SHB: variants seen among roughly 807,000 people sequenced by gnomAD.
The protein encoded by SHB is SH2 domain containing adaptor protein B, also known as SH2 domain-containing adapter protein B.
Under a neutral mutation model 52.3 loss-of-function variants are expected in SHB, and 20 were observed. That is an observed-to-expected ratio of 0.38 (90% CI 0.27 to 0.56). The LOEUF (loss-of-function observed/expected upper bound fraction) is 0.56, where lower values mean the gene tolerates loss of function less well. Ranked by LOEUF, SHB falls within the 20% of genes least tolerant of loss-of-function variation. The pLI is 0.71. For synonymous variants in SHB, 397 were observed against 316.5 expected, an observed-to-expected ratio of 1.25 and a Z score of -2.70; for missense variants, 825 against 723.3, an observed-to-expected ratio of 1.14 and a Z score of -1.61.
At chr9:37,974,553 G>T in intron 3 of SHB, 69 bp downstream of exon 3, 1 of 1,364,426 alleles carries the variant, frequency 7.3e-7, no homozygotes. Context: ...CCTGAGCGCA[G>T]GTGGGGACCA....
rs779662132 is a variant in SHB at position 37,919,002 on chromosome 9, C to A, written c.*819G>T. On this transcript the variant is annotated 3_prime_UTR_variant, in exon 6 of 6. Transcript: ENST00000377707. ...AGCTGCTGAGGGCTGGAGCTGAGGC[C>A]TCGGCCTCCCTCCCCTCCCTGGGGC... 1 of 152,568 alleles carries A rather than the reference C, an allele frequency of 6.6e-6. No homozygotes were observed. Among genetic ancestry groups the A allele is most frequent in the South Asian group, 2.1e-4 (1 of 4,828 alleles). 9.5% of individuals were successfully genotyped at this position (152,568 alleles called of 1,614,324 possible). A position where few individuals can be genotyped will look rare whatever the true frequency, so the allele number is the denominator to read the frequency against.
chr9:37,985,673 A>G (rs567578303), intron 2 of SHB, among the ~76,000 whole-genome samples: 5 of 152,364 alleles, frequency 3.3e-5, no homozygotes, highest in African/African-American at 1.2e-4. Flanking sequence ...CTTCATAGGC[A>G]AGTGGGGTGC....
chr9:37,946,837 C>T (rs1185054495), intron 5 of SHB, among the ~76,000 whole-genome samples: 1 of 152,176 alleles, frequency 6.6e-6, no homozygotes, highest in Non-Finnish European at 1.5e-5. Flanking sequence ...AGTGATAACC[C>T]CCAATGACCA....
intron 2 of SHB, among the ~76,000 whole-genome samples, chr9:37,988,072 A>C (rs374531165): frequency 2.0e-5 from 3 of 152,320 alleles, no homozygotes. Context: ...TGCTGTTGAC[A>C]ATGTGCCCAG....
chr9:37,963,153 A>C (rs1333054119), intron 3 of SHB, among the ~76,000 whole-genome samples: 2 of 152,170 alleles, frequency 1.3e-5, no homozygotes, highest in Non-Finnish European at 2.9e-5. Flanking sequence ...CCATTGACCA[A>C]GGGTGCGGGC....
intron 2 of SHB, among the ~76,000 whole-genome samples, chr9:38,000,874 G>A (rs777154070): frequency 6.6e-6 from 1 of 152,168 alleles, no homozygotes; most frequent in Non-Finnish European, 1.5e-5. Context: ...GAGTGCTTTA[G>A]TCCTGGTTTC....
At chr9:38,033,855 G>C (rs1372060302) in intron 1 of SHB, among the ~76,000 whole-genome samples, 1 of 144,560 alleles carries the variant, frequency 6.9e-6, no homozygotes, top group Non-Finnish European at 1.5e-5. Flanking sequence ...GTAAAATCCT[G>C]ACACCCCCCC....
At chr9:38,062,943 GT>G (rs1405404001) in intron 1 of SHB, among the ~76,000 whole-genome samples, 1 of 152,188 alleles carries the variant, frequency 6.6e-6, no homozygotes, top group Non-Finnish European at 1.5e-5. Flanking sequence ...ACCACGGGCG[GT>G]TTTGGGGTGA....
chr9:37,919,641 C>G lies in SHB; in HGVS notation c.*180G>C. The G allele has an allele frequency of 5.5e-6, 3 of 542,748 alleles. No individual in the cohort carries two copies. Among genetic ancestry groups the G allele is most frequent in the Non-Finnish European group, 9.9e-6 (3 of 303,982 alleles). 33.6% of individuals were successfully genotyped at this position (542,748 alleles called of 1,614,324 possible). On this transcript the variant is annotated 3_prime_UTR_variant, in exon 6 of 6. Transcript: ENST00000377707. The stretch of plus-strand genomic sequence containing the variant: ...TGTGTTGCCGCCCTTCTGTCTTTAT[C>G]CAGGCCTTCTCCAGCCCCCGTAAGT...
intron 5 of SHB, among the ~76,000 whole-genome samples, chr9:37,947,268 G>A (rs1485659107): frequency 6.6e-6 from 1 of 152,178 alleles, no homozygotes; most frequent in Non-Finnish European, 1.5e-5. Context: ...CATCCTCTCT[G>A]GTTTAGGCAG....
At chr9:38,036,688 C>A (rs940964547) in intron 1 of SHB, among the ~76,000 whole-genome samples, 3 of 152,214 alleles carry the variant, frequency 2.0e-5, no homozygotes, top group Admixed American at 6.5e-5. Flanking sequence ...CTCTGGGGTT[C>A]TCTCCATTGA....
intron 1 of SHB, among the ~76,000 whole-genome samples, chr9:38,031,562 T>G (rs528280665): frequency 6.6e-6 from 1 of 152,268 alleles, no homozygotes; most frequent in East Asian, 1.9e-4. Context: ...AAACCAAGCC[T>G]TCCTATGATG....
chr9:38,009,386 T>C (rs895467022), intron 2 of SHB, among the ~76,000 whole-genome samples: 1 of 152,150 alleles, frequency 6.6e-6, no homozygotes, highest in African/African-American at 2.4e-5. Flanking sequence ...CAGAGGCGGG[T>C]AACCAAAGGA....
In SHB at chr9:37,916,431, C is replaced by T. The variant is rs1045149314; in HGVS notation, c.*3390G>A. 5.3e-5 allele frequency among the ~76,000 whole-genome samples: 8 copies of T among 152,240 alleles called. No individual in the cohort carries two copies. Among genetic ancestry groups the T allele is most frequent in the Admixed American group, 5.2e-4 (8 of 15,290 alleles). ...AATGATATCACCACTTCTGAGACAG[C>T]GTCTGGGGAGCTACCGGAACTTCGT... On this transcript the variant is annotated 3_prime_UTR_variant, in exon 6 of 6. Transcript: ENST00000377707.
intron 2 of SHB, among the ~76,000 whole-genome samples, chr9:37,979,755 G>A (rs902523380): frequency 1.3e-5 from 2 of 152,230 alleles, no homozygotes; most frequent in Non-Finnish European, 2.9e-5. Flanking sequence ...TCAAGAGTCC[G>A]AGACCAGTCT....
intron 5 of SHB, among the ~76,000 whole-genome samples, chr9:37,921,229 C>T (rs1483288299): frequency 4.6e-5 from 7 of 152,178 alleles, no homozygotes; most frequent in African/African-American, 1.7e-4. Context: ...CACCTGCCCC[C>T]ATCTCCACGG....
chr9:37,941,521 G>A (rs1259720739), intron 5 of SHB, among the ~76,000 whole-genome samples: 1 of 152,186 alleles, frequency 6.6e-6, no homozygotes, highest in Non-Finnish European at 1.5e-5. Context: ...GGGGAGTCAT[G>A]GGGCACATGG....
intron 2 of SHB, among the ~76,000 whole-genome samples, chr9:38,012,350 G>A (rs1379879170): frequency 6.6e-6 from 1 of 152,176 alleles, no homozygotes; most frequent in Non-Finnish European, 1.5e-5. Context: ...GACGTCTTGG[G>A]CTAGTTTTTT....
intron 1 of SHB, among the ~76,000 whole-genome samples, chr9:38,039,510 A>C (rs964829372): frequency 4.6e-5 from 7 of 152,252 alleles, no homozygotes; most frequent in African/African-American, 1.7e-4. Context: ...GAGTATGTGA[A>C]TGAATGGATT....
Sources: gnomAD v4.1 joint callset for allele counts (sites outside exome capture counted in the v4.1 genomes callset) on GRCh38, gnomAD v4.1.1 for gene constraint, MANE v1.5 for transcripts, NCBI Gene and HGNC (gene_info 2026-07-23, HGNC 2026-07-21) for gene names.